The following SH2D1A variants were observed in gnomAD, a reference collection of about 807,000 sequenced individuals.
SH2D1A encodes SH2 domain-containing protein 1A.
Under a neutral mutation model 10.1 loss-of-function variants are expected in SH2D1A, and 6 were observed. That is an observed-to-expected ratio of 0.60 (90% CI 0.33 to 1.18). The LOEUF (loss-of-function observed/expected upper bound fraction) is 1.18, where lower values mean the gene tolerates loss of function less well. Ranked by LOEUF, SH2D1A falls within the 50% of genes most tolerant of loss-of-function variation. The pLI is 0.04. For missense variants in SH2D1A, 51 were observed against 97.6 expected, an observed-to-expected ratio of 0.52 and a Z score of 2.01; for synonymous variants, 42 against 36.9, an observed-to-expected ratio of 1.14 and a Z score of -0.51.
chrX:124,363,250 A>G (rs1366365645), intron 1 of SH2D1A, among the ~76,000 whole-genome samples: 1 of 111,864 alleles, frequency 8.9e-6, no homozygotes, highest in African/African-American at 3.3e-5. Context: ...TAAAGTTACA[A>G]CTAAGGCACT....
chrX:124,367,448 T>A, intron 2 of SH2D1A: 1 of 111,658 alleles, frequency 9.0e-6, no homozygotes, highest in South Asian at 3.8e-4. Context: ...GAGGTGACAG[T>A]ATGGGAGATT....
intron 2 of SH2D1A, among the ~76,000 whole-genome samples, chrX:124,368,812 C>T (rs1265199659): frequency 1.8e-5 from 2 of 112,373 alleles, no homozygotes; most frequent in Non-Finnish European, 3.8e-5. Context: ...TATAAGGAGG[C>T]AATTTGTGCC....
At chrX:124,355,589 G>A (rs1370323789) in intron 1 of SH2D1A, among the ~76,000 whole-genome samples, 1 of 111,195 alleles carries the variant, frequency 9.0e-6, no homozygotes, top group Admixed American at 9.6e-5. Context: ...ATTAAGGGAG[G>A]GAGTCAGAGG....
intron 1 of SH2D1A, among the ~76,000 whole-genome samples, chrX:124,362,932 GCTGT>G (rs950688691): frequency 3.6e-5 from 4 of 111,045 alleles, no homozygotes; most frequent in Non-Finnish European, 5.7e-5. Flanking sequence ...AACAGAAAAG[GCTGT>G]CTGAGTACAC....
chrX:124,370,892 G>A (rs770774464), intron 3 of SH2D1A, among the ~76,000 whole-genome samples: 3 of 112,025 alleles, frequency 2.7e-5, no homozygotes, highest in East Asian at 5.6e-4. Flanking sequence ...TGTATGTGTC[G>A]TGCTAAAGAC....
chrX:124,359,404 A>G (rs1443977626), intron 1 of SH2D1A, among the ~76,000 whole-genome samples: 1 of 112,152 alleles, frequency 8.9e-6, no homozygotes, highest in Non-Finnish European at 1.9e-5. Flanking sequence ...GATTTTAAAT[A>G]ATGAATCTCC....
Position 124,371,567 on chromosome X carries a change from G to T in SH2D1A, c.*176G>T. On this transcript the variant is annotated 3_prime_UTR_variant, in exon 4 of 4. Coordinates refer to ENST00000371139, the MANE Select transcript of SH2D1A (RefSeq NM_002351.5). ...TGAAATGGACTTTTGTACATAGTGA[G>T]GAGCTTTGAAACGAGGATTGGGAAA... is the stretch of plus-strand genomic sequence containing the variant. 3.2e-6 allele frequency: 1 copy of T among 308,500 alleles called. No individual in the cohort carries two copies. The highest frequency in any genetic ancestry group is 5.7e-6 in the Non-Finnish European group (1 of 173,955). 25.4% of individuals were successfully genotyped at this position (308,500 alleles called of 1,213,427 possible). A position where few individuals can be genotyped will look rare whatever the true frequency, so the allele number is the denominator to read the frequency against.
intron 1 of SH2D1A, among the ~76,000 whole-genome samples, chrX:124,356,448 T>C: frequency 8.9e-6 from 1 of 111,887 alleles, no homozygotes; most frequent in East Asian, 2.8e-4. Context: ...TTTGTTTATT[T>C]ATTTATTTAT....
chrX:124,368,599 G>A (rs891640889), intron 2 of SH2D1A, among the ~76,000 whole-genome samples: 1 of 112,485 alleles, frequency 8.9e-6, no homozygotes, highest in South Asian at 3.6e-4. Context: ...AAAGGCAAGA[G>A]ACTGGGTCCT....
chrX:124,348,445 C>T (rs1330232181), intron 1 of SH2D1A, among the ~76,000 whole-genome samples: 2 of 111,422 alleles, frequency 1.8e-5, no homozygotes, highest in African/African-American at 3.3e-5. Context: ...AGGCTTCAGC[C>T]TCACGGGGCT....
chrX:124,350,206 A>C (rs1325621412), intron 1 of SH2D1A, among the ~76,000 whole-genome samples: 1 of 59,277 alleles, frequency 1.7e-5, no homozygotes, highest in Non-Finnish European at 2.9e-5. Context: ...TATATAATAT[A>C]AAATATATAA....
chrX:124,364,363 G>T (rs1442715305), intron 1 of SH2D1A: 1 of 256,382 alleles, frequency 3.9e-6, no homozygotes, highest in South Asian at 4.1e-5. Flanking sequence ...ATGGAATAAG[G>T]ATATAAAGAA....
chrX:124,365,050 A>G (rs1288074828), intron 1 of SH2D1A, among the ~76,000 whole-genome samples: 3 of 111,130 alleles, frequency 2.7e-5, no homozygotes, highest in Non-Finnish European at 5.7e-5. Context: ...AACATGCTGT[A>G]CAGGTTTGTA....
intron 1 of SH2D1A, among the ~76,000 whole-genome samples, chrX:124,356,113 C>G (rs1406616742): frequency 1.0e-5 from 1 of 99,861 alleles, no homozygotes; most frequent in Non-Finnish European, 2.0e-5. Flanking sequence ...TCCAAGTGTT[C>G]TAATTGTTCA....
At chrX:124,360,627 A>C (rs1440294125) in intron 1 of SH2D1A, among the ~76,000 whole-genome samples, 8 of 92,728 alleles carry the variant, frequency 8.6e-5, no homozygotes, top group African/African-American at 3.2e-4. Context: ...AAAAAAAAGC[A>C]TGTGTCCTAA....
intron 1 of SH2D1A, among the ~76,000 whole-genome samples, chrX:124,352,899 G>C (rs2060018485): frequency 9.0e-6 from 1 of 111,639 alleles, no homozygotes; most frequent in Non-Finnish European, 1.9e-5. Context: ...CAGACAGTTA[G>C]ATAGAAGAAA....
intron 2 of SH2D1A, among the ~76,000 whole-genome samples, chrX:124,366,543 A>G (rs910481743): frequency 1.8e-5 from 2 of 111,401 alleles, no homozygotes; most frequent in African/African-American, 6.5e-5. Context: ...TAATAACTCA[A>G]TCTGTGCATT....
intron 3 of SH2D1A, 86 bp from the exon 4 acceptor site, chrX:124,371,265 G>GTTTATAAAA (rs1464560107): frequency 1.6e-6 from 1 of 644,689 alleles, no homozygotes; most frequent in Admixed American, 2.7e-5. Flanking sequence ...GTTTTATGCA[G>GTTTATAAAA]TTGGAAATTT....
At chrX:124,365,714 A>G in intron 1 of SH2D1A, 47 bp from the exon 2 acceptor site, 1 of 830,220 alleles carries the variant, frequency 1.2e-6, no homozygotes, top group Non-Finnish European at 1.8e-6. Flanking sequence ...TAAAGTATCC[A>G]TTGTTCTTTT....
Sources: gnomAD v4.1 joint callset for allele counts (sites outside exome capture counted in the v4.1 genomes callset) on GRCh38, gnomAD v4.1.1 for gene constraint, MANE v1.5 for transcripts, NCBI Gene and HGNC (gene_info 2026-07-23, HGNC 2026-07-21) for gene names.